Variants in DPP6 observed in about 807,000 individuals in gnomAD.
The protein encoded by DPP6 is A-type potassium channel modulatory protein DPP6.
DPP6 carries 69 observed loss-of-function variants against 122.6 expected under a neutral mutation model. The observed-to-expected ratio is 0.56, with a 90% CI of 0.46 to 0.69. The LOEUF (loss-of-function observed/expected upper bound fraction) is 0.69. DPP6 is among the 30% of genes least tolerant of loss of function. DPP6 has a pLI of 0.00. For missense variants in DPP6, 928 were observed against 1,116.9 expected (o/e 0.83, Z 2.41); for synonymous variants, 418 against 433.1 (o/e 0.97, Z 0.43).
At position 154,728,293 on chromosome 7, in the gene DPP6, G is replaced by A. The variant is rs534063482; in HGVS notation, c.883+406G>A. 1.9e-3 allele frequency among the ~76,000 whole-genome samples: 284 copies of A among 152,352 alleles called. 2 individuals carry two copies. The highest frequency in any genetic ancestry group is 3.2e-3 in the Non-Finnish European group (218 of 68,040). ...ACATAAGTGCCTCGTTTTGCCTTGG[G>A]AAGGGGACAGTTGGAAAAGAAAGAA... On this transcript the variant is annotated intron_variant, in intron 8 of 25. Coordinates refer to ENST00000377770, the MANE Select transcript of DPP6 (RefSeq NM_130797.4).
In DPP6 at chr7:154,519,424, C is replaced by A. The variant is rs535141587; in HGVS notation, c.458-21108C>A. Reference sequence around the variant, plus strand: ...CCAGGAGACGTCTGCCTTTGACATCCCACGTTTGTGACACATGCCAGATCT... The same window carrying A: ...CCAGGAGACGTCTGCCTTTGACATCACACGTTTGTGACACATGCCAGATCT... On this transcript the variant is annotated intron_variant, in intron 3 of 25. Transcript: ENST00000377770. Among the ~76,000 whole-genome samples the A allele has an allele frequency of 6.6e-5, 10 of 152,344 alleles. No homozygotes were observed. The South Asian group carries it at 1.2e-3, about 19-fold the overall frequency.
At chr7:153,964,999 T>TCTTC (rs1209264469) in intron 1 of DPP6, among the ~76,000 whole-genome samples, 1,837 of 62,416 alleles carry the variant, frequency 0.029, 42 homozygotes, top group Admixed American at 0.047. Flanking sequence ...TTCCTTCCTT[T>TCTTC]CTTCCTTCCT....
intron 2 of DPP6, among the ~76,000 whole-genome samples, chr7:154,452,123 A>G (rs1431001632): frequency 6.6e-6 from 1 of 152,250 alleles, no homozygotes; most frequent in Non-Finnish European, 1.5e-5. Context: ...AGCATGAATG[A>G]TCCCGGCTAG....
At chr7:154,245,545 A>G (rs1184609100) in intron 1 of DPP6, among the ~76,000 whole-genome samples, 2 of 149,482 alleles carry the variant, frequency 1.3e-5, no homozygotes, top group Non-Finnish European at 3.0e-5. Flanking sequence ...CTGAGGCAGG[A>G]GAATTGTTTG....
At chr7:154,598,976 G>A (rs1833262616) in intron 5 of DPP6, among the ~76,000 whole-genome samples, 1 of 152,138 alleles carries the variant, frequency 6.6e-6, no homozygotes, top group African/African-American at 2.4e-5. Flanking sequence ...ATGCCCTGGG[G>A]AGAGCTTGCT....
chr7:154,077,170 C>T (rs554410071), intron 1 of DPP6, among the ~76,000 whole-genome samples: 16 of 152,186 alleles, frequency 1.1e-4, no homozygotes, highest in Admixed American at 9.8e-4. Flanking sequence ...ATTTAAAATG[C>T]CTTTGCATTG....
the DPP6 span, among the ~76,000 whole-genome samples, chr7:153,824,778 A>AT: frequency 3.3e-5 from 5 of 152,148 alleles, no homozygotes; most frequent in Non-Finnish European, 5.9e-5. Context: ...ATTCATATTC[A>AT]TGAAGGTTTT....
At chr7:154,297,066 T>TTA (rs1554511160) in intron 1 of DPP6, among the ~76,000 whole-genome samples, 52 of 130,810 alleles carry the variant, frequency 4.0e-4, no homozygotes, top group African/African-American at 6.4e-4. Context: ...GTATTCTGTT[T>TTA]TTTTTTTTTT....
chr7:153,871,630 C>A, the DPP6 span, among the ~76,000 whole-genome samples: 2 of 152,214 alleles, frequency 1.3e-5, no homozygotes. Flanking sequence ...CCTGCTTCGG[C>A]TTACGCACAG....
chr7:154,135,620 C>T (rs1165175300), intron 1 of DPP6, among the ~76,000 whole-genome samples: 5 of 151,562 alleles, frequency 3.3e-5, no homozygotes, highest in Non-Finnish European at 5.9e-5. Flanking sequence ...CTATGATATA[C>T]ACTTCCTGTG....
intron 5 of DPP6, among the ~76,000 whole-genome samples, chr7:154,619,372 T>A (rs1317033806): frequency 6.6e-6 from 1 of 152,354 alleles, no homozygotes; most frequent in East Asian, 1.9e-4. Context: ...GTTAATGGTA[T>A]CTAGGTTGGA....
At chr7:153,871,685 G>C in the DPP6 span, among the ~76,000 whole-genome samples, 627 of 152,304 alleles carry the variant, frequency 4.1e-3, 3 homozygotes, top group Non-Finnish European at 7.0e-3. Context: ...GCACTCCCCA[G>C]TGAGATGAAC....
At chr7:153,948,885 A>T (rs981866616) in intron 1 of DPP6, among the ~76,000 whole-genome samples, 1 of 151,082 alleles carries the variant, frequency 6.6e-6, no homozygotes, top group East Asian at 1.9e-4. Context: ...AGTTATTCTG[A>T]TTCACATTTA....
rs546010593 is a variant in DPP6, at chr7:154,401,890, C to G, written c.244-44324C>G. Among the ~76,000 whole-genome samples, 575 of 152,180 alleles carry G rather than the reference C, an allele frequency of 3.8e-3. 5 individuals are homozygous for G. The highest frequency in any genetic ancestry group is 4.5e-3 in the Non-Finnish European group (305 of 68,008). ...ATCCAGAATCTACAATGAACTCAAA[C>G]AAATTTACAAGAAAAAAACAAACAA... On this transcript the variant is annotated intron_variant, in intron 1 of 25. Transcript: ENST00000377770.
At chr7:154,383,469 G>A (rs924924549) in intron 1 of DPP6, among the ~76,000 whole-genome samples, 1 of 152,214 alleles carries the variant, frequency 6.6e-6, no homozygotes, top group Non-Finnish European at 1.5e-5. Context: ...AGGGCATGTT[G>A]ATTATTCCTA....
At chr7:154,212,408 C>A (rs1027480021) in intron 1 of DPP6, among the ~76,000 whole-genome samples, 1 of 152,204 alleles carries the variant, frequency 6.6e-6, no homozygotes, top group African/African-American at 2.4e-5. Context: ...AGAATGCTCA[C>A]AAAACAAGGA....
At position 154,535,407 on chromosome 7, in the gene DPP6, A is replaced by T. The variant is rs546092488; in HGVS notation, c.458-5125A>T. Among the ~76,000 whole-genome samples, 6 of 151,568 alleles carry T rather than the reference A, an allele frequency of 4.0e-5. No homozygotes were observed. The South Asian group carries it at 1.3e-3, about 32-fold the overall frequency. On this transcript the variant is annotated intron_variant, in intron 3 of 25. Transcript: ENST00000377770. Reference sequence around the variant, plus strand: ...TTAGATTTTTTTTTTTTATTATTATACTTTAAGTTCTGGGGTACATGTGCA... The same window carrying T: ...TTAGATTTTTTTTTTTTATTATTATTCTTTAAGTTCTGGGGTACATGTGCA...
chr7:153,939,365 G>A (rs568604929), intron 1 of DPP6, among the ~76,000 whole-genome samples: 94 of 152,324 alleles, frequency 6.2e-4, no homozygotes, highest in African/African-American at 2.2e-3. Flanking sequence ...ATTGTTAAGT[G>A]CCTGCTCTGT....
At chr7:154,401,928 T>G (rs374494003) in intron 1 of DPP6, among the ~76,000 whole-genome samples, 2 of 152,120 alleles carry the variant, frequency 1.3e-5, no homozygotes, top group Non-Finnish European at 2.9e-5. Flanking sequence ...CCATCAAAAA[T>G]TGGGCAAAGG....
Sources: gnomAD v4.1 joint callset for allele counts (sites outside exome capture counted in the v4.1 genomes callset) on GRCh38, gnomAD v4.1.1 for gene constraint, MANE v1.5 for transcripts, NCBI Gene and HGNC (gene_info 2026-07-23, HGNC 2026-07-21) for gene names.